The following FRMPD4 variants were observed in gnomAD, a reference collection of about 807,000 sequenced individuals.
The protein encoded by FRMPD4 is FERM and PDZ domain-containing protein 4.
A neutral mutation model predicts 94.1 loss-of-function variants in FRMPD4; 22 were observed. That is an observed-to-expected ratio of 0.23 (90% CI 0.17 to 0.33). FRMPD4 has a LOEUF of 0.33. Ranked by LOEUF, FRMPD4 falls within the 10% of genes least tolerant of loss-of-function variation. FRMPD4 has a pLI of 1.00. For missense variants in FRMPD4, 1,111 were observed against 1,339.9 expected (o/e 0.83, Z 2.67); for synonymous variants, 631 against 548.6 (o/e 1.15, Z -2.10).
At chrX:12,246,765 G>A (rs1164877504) in intron 1 of FRMPD4, among the ~76,000 whole-genome samples, 1 of 110,180 alleles carries the variant, frequency 9.1e-6, no homozygotes, top group Non-Finnish European at 1.9e-5. Flanking sequence ...GCACATTTTA[G>A]TATAATCTTT....
At chrX:12,206,162 C>T (rs375484040) in intron 1 of FRMPD4, among the ~76,000 whole-genome samples, 19 of 112,187 alleles carry the variant, frequency 1.7e-4, no homozygotes, top group East Asian at 8.4e-4. Flanking sequence ...AAAGAAACCC[C>T]ATCTGCCTTA....
In FRMPD4 at chrX:12,481,992, G is replaced by A. The variant is rs189926909; in HGVS notation, c.42-16688G>A. ...AAAAAGAAAGTGTTATTGGATAATC[G>A]TAAGGAAGAGAAAATTTATTTGCTA... On this transcript the variant is annotated intron_variant, in intron 1 of 16. Coordinates refer to ENST00000675598, the MANE Select transcript of FRMPD4 (RefSeq NM_001368397.1). Among the ~76,000 whole-genome samples the A allele has an allele frequency of 1.1e-3, 89 of 82,727 alleles. 1 individual carries two copies. Among genetic ancestry groups the A allele is most frequent in the South Asian group, 2.3e-3 (3 of 1,292 alleles). The allele number at this position is 82,727 out of a possible 115,157, so 71.8% of individuals were successfully genotyped here. A position where few individuals can be genotyped will look rare whatever the true frequency, so the allele number is the denominator to read the frequency against.
intron 4 of FRMPD4, among the ~76,000 whole-genome samples, chrX:12,632,620 T>G (rs1188084717): frequency 8.9e-6 from 1 of 111,745 alleles, no homozygotes; most frequent in Admixed American, 9.5e-5. Context: ...ATGCTATTGT[T>G]GAGAAGAGAG....
At chrX:12,068,974 TTA>T in intron 3 of FRMPD4, among the ~76,000 whole-genome samples, 1 of 111,819 alleles carries the variant, frequency 8.9e-6, no homozygotes, top group South Asian at 3.8e-4. Context: ...ACTAATAAAT[TTA>T]TAGTCTCTCC....
intron 9 of FRMPD4, among the ~76,000 whole-genome samples, chrX:12,697,234 A>G (rs1209613221): frequency 1.8e-5 from 2 of 112,105 alleles, no homozygotes; most frequent in Admixed American, 1.9e-4. Flanking sequence ...ACTTGTCAAC[A>G]ATATCTCCTT....
At chrX:12,052,120 G>A (rs2054821978) in intron 3 of FRMPD4, among the ~76,000 whole-genome samples, 1 of 111,362 alleles carries the variant, frequency 9.0e-6, no homozygotes, top group Admixed American at 9.5e-5. Context: ...AATAAACATG[G>A]CAATAAGGTC....
chrX:11,987,127 A>AC (rs2054435153), intron 3 of FRMPD4, among the ~76,000 whole-genome samples: 1 of 96,203 alleles, frequency 1.0e-5, no homozygotes, highest in Non-Finnish European at 2.1e-5. Flanking sequence ...AAAAAAAAAA[A>AC]AACAACTACA....
At chrX:12,471,201 C>T (rs2148173190) in intron 1 of FRMPD4, among the ~76,000 whole-genome samples, 1 of 111,876 alleles carries the variant, frequency 8.9e-6, no homozygotes, top group South Asian at 3.8e-4. Flanking sequence ...TGCCATTTCT[C>T]ACTATGAGAT....
At chrX:12,129,631 A>G (rs1399034108) in intron 3 of FRMPD4, among the ~76,000 whole-genome samples, 1 of 111,573 alleles carries the variant, frequency 9.0e-6, no homozygotes, top group Non-Finnish European at 1.9e-5. Flanking sequence ...CACCTCTCAT[A>G]GTTTGCTCAG....
At chrX:11,969,645 T>G (rs981927193) in intron 3 of FRMPD4, among the ~76,000 whole-genome samples, 1 of 111,989 alleles carries the variant, frequency 8.9e-6, no homozygotes, top group African/African-American at 3.2e-5. Flanking sequence ...TGTCTTGCTA[T>G]AGACCCACTG....
At chrX:12,300,357 G>T (rs1204556986) in intron 1 of FRMPD4, among the ~76,000 whole-genome samples, 1 of 111,921 alleles carries the variant, frequency 8.9e-6, no homozygotes. Context: ...ACAACCAGGG[G>T]AGGGCCAGTA....
At chrX:12,416,856 TTGTC>T (rs1392479170) in intron 1 of FRMPD4, among the ~76,000 whole-genome samples, 4 of 112,112 alleles carry the variant, frequency 3.6e-5, no homozygotes, top group Non-Finnish European at 7.5e-5. Flanking sequence ...ACCATACATT[TTGTC>T]TGTCTTTCTT....
intron 3 of FRMPD4, among the ~76,000 whole-genome samples, chrX:11,987,833 A>G (rs1234612447): frequency 1.8e-5 from 2 of 111,554 alleles, no homozygotes; most frequent in Non-Finnish European, 1.9e-5. Flanking sequence ...AGCCACAAAG[A>G]AAATTACTTT....
intron 3 of FRMPD4, among the ~76,000 whole-genome samples, chrX:12,020,653 T>A (rs1313634457): frequency 8.9e-6 from 1 of 112,264 alleles, no homozygotes. Flanking sequence ...GAGTTACATA[T>A]GTATGTGTCC....
chrX:12,668,733 T>C (rs1332565755), intron 4 of FRMPD4, among the ~76,000 whole-genome samples: 1 of 107,669 alleles, frequency 9.3e-6, no homozygotes, highest in Non-Finnish European at 1.9e-5. Flanking sequence ...GCCTCCAGAG[T>C]AGCTGGGATT....
chrX:12,524,726 C>G (rs1222875465), intron 2 of FRMPD4, among the ~76,000 whole-genome samples: 3 of 111,417 alleles, frequency 2.7e-5, no homozygotes, highest in African/African-American at 9.8e-5. Flanking sequence ...CCTTGATATT[C>G]TCTGCCTCCT....
At chrX:12,709,882 C>A (rs1205419742) in intron 13 of FRMPD4, among the ~76,000 whole-genome samples, 1 of 111,391 alleles carries the variant, frequency 9.0e-6, no homozygotes, top group African/African-American at 3.3e-5. Flanking sequence ...AATCCCAGCA[C>A]TTTGGGAGGC....
intron 14 of FRMPD4, 71 bp from the exon 15 acceptor site, chrX:12,715,998 G>GCCGGGGGGCCCCCC: frequency 7.8e-6 from 3 of 383,858 alleles, no homozygotes; most frequent in African/African-American, 2.6e-5. Context: ...ACAGAGACGA[G>GCCGGGGGGCCCCCC]CCTCCCACCC....
chrX:12,092,853 A>G (rs2055166128), intron 3 of FRMPD4, among the ~76,000 whole-genome samples: 1 of 111,578 alleles, frequency 9.0e-6, no homozygotes, highest in African/African-American at 3.3e-5. Flanking sequence ...AGTAACATGC[A>G]CTCTGGAGAA....
Sources: allele counts gnomAD v4.1 joint callset (sites outside exome capture counted in the v4.1 genomes callset), GRCh38; gene constraint gnomAD v4.1.1; transcripts MANE v1.5; gene names NCBI Gene and HGNC (gene_info 2026-07-23, HGNC 2026-07-21).